The following HNRNPD variants were observed in gnomAD, a reference collection of about 807,000 sequenced individuals.
HNRNPD encodes the protein heterogeneous nuclear ribonucleoprotein D.
In HNRNPD, 3 loss-of-function variants were observed where a neutral mutation model predicts 47.9. The observed-to-expected ratio is 0.06, with a 90% CI of 0.03 to 0.16. The LOEUF (loss-of-function observed/expected upper bound fraction) is 0.16, where lower values mean the gene tolerates loss of function less well. Among genes scored for constraint, HNRNPD ranks in the 10% least tolerant of loss-of-function variants. The pLI is 1.00. For synonymous variants in HNRNPD, 171 were observed against 165.1 expected, an observed-to-expected ratio of 1.04 and a Z score of -0.28; for missense variants, 287 against 454.2, an observed-to-expected ratio of 0.63 and a Z score of 3.35.
intron 2 of HNRNPD, among the ~76,000 whole-genome samples, chr4:82,361,138 G>A (rs1034710900): frequency 3.3e-5 from 5 of 152,128 alleles, no homozygotes; most frequent in Admixed American, 3.3e-4. Flanking sequence ...TTTACTTCTT[G>A]CCAATTTCAT....
chr4:82,363,398 A>G (rs1434623071), intron 2 of HNRNPD, among the ~76,000 whole-genome samples: 1 of 152,164 alleles, frequency 6.6e-6, no homozygotes, highest in East Asian at 1.9e-4. Context: ...CTATGACTGT[A>G]TCTTGCTTTT....
In HNRNPD at chr4:82,373,429, G is replaced by A. The variant is rs1279017196; in HGVS notation, c.233+17C>T. The A allele has an allele frequency of 6.4e-7, 1 of 1,570,684 alleles. No homozygotes were observed. The highest frequency in any genetic ancestry group is 8.6e-7 in the Non-Finnish European group (1 of 1,156,472). On this transcript the variant is annotated intron_variant, in intron 1 of 8. Transcript: ENST00000313899. ...GGACTAGTTGGGCCTGACTATCCTGGGATGCCCCTTACTCACCCTTCATCC... is the reference window on the plus strand; with the variant it reads ...GGACTAGTTGGGCCTGACTATCCTGAGATGCCCCTTACTCACCCTTCATCC...
rs1291511105 is a variant in HNRNPD at position 82,353,325 on chromosome 4, CAT to C, written c.*858_*859del. ...TCATTCAAACAAATAAGCACACACA[CAT>C]AAACACGGTATATATTTCTTTAATC... On this transcript the variant is annotated 3_prime_UTR_variant, in exon 9 of 9. Coordinates refer to ENST00000313899, the MANE Select transcript of HNRNPD (RefSeq NM_031370.3). The C allele has an allele frequency of 6.6e-6, 1 of 152,132 alleles. No individual in the cohort carries two copies. The highest frequency in any genetic ancestry group is 1.5e-5 in the Non-Finnish European group (1 of 67,992). 9.4% of individuals were successfully genotyped at this position (152,132 alleles called of 1,614,324 possible).
chr4:82,369,547 A>C (rs1442683972), intron 2 of HNRNPD, among the ~76,000 whole-genome samples: 1 of 147,406 alleles, frequency 6.8e-6, no homozygotes, highest in Admixed American at 6.7e-5. Context: ...TGCACACAGA[A>C]CTGTGTTTAA....
At position 82,366,378 on chromosome 4, in the gene HNRNPD, G is replaced by C. The variant is rs538820069; in HGVS notation, c.290+5150C>G. 1.3e-4 allele frequency among the ~76,000 whole-genome samples: 20 copies of C among 151,618 alleles called. No individual in the cohort carries two copies. The South Asian group carries it at 3.3e-3, about 25-fold the overall frequency. On this transcript the variant is annotated intron_variant, in intron 2 of 8. Coordinates refer to ENST00000313899, the MANE Select transcript of HNRNPD (RefSeq NM_031370.3). ...CCTGCCTCAGCCTCCCAAGTAGATG[G>C]GACTACAGATGCCCACCATCATGCC...
At chr4:82,371,466 G>A (rs1011000675) in intron 2 of HNRNPD, 62 bp downstream of exon 2, 2 of 1,303,756 alleles carry the variant, frequency 1.5e-6, no homozygotes, top group Non-Finnish European at 1.1e-6. Context: ...CCAATACACA[G>A]CCTCTACATA....
intron 3 of HNRNPD, 127 bp from the exon 4 acceptor site, chr4:82,358,947 A>T (rs367867071): frequency 4.4e-5 from 31 of 702,584 alleles, no homozygotes; most frequent in African/African-American, 4.0e-4. Context: ...TCAAGATTAA[A>T]CTGTCAAGTC....
In HNRNPD at chr4:82,356,795, C is replaced by T. The variant is rs1723731016; in HGVS notation, c.853+1G>A. 6.2e-7 allele frequency: 1 copy of T among 1,613,054 alleles called. No homozygotes were observed. The highest frequency in any genetic ancestry group is 1.7e-5 in the Admixed American group (1 of 59,992). ...TAGAGTAAACTTAGGCTCTAGCTTA[C>T]CACCACCTCTTCCACGAGCTCTTCC... On this transcript the variant is annotated splice_donor_variant, in intron 6 of 8. Coordinates refer to ENST00000313899, the MANE Select transcript of HNRNPD (RefSeq NM_031370.3). LOFTEE classifies it high-confidence loss of function.
chr4:82,355,223 A>G, intron 8 of HNRNPD, 81 bp downstream of exon 8: 1 of 794,108 alleles, frequency 1.3e-6, no homozygotes, highest in Non-Finnish European at 2.1e-6. Context: ...AAACTCTTAA[A>G]TTAAGCATTG....
chr4:82,360,588 A>G lies in HNRNPD; in HGVS notation c.291-949T>C, dbSNP rs1231312023. 2.6e-5 allele frequency among the ~76,000 whole-genome samples: 4 copies of G among 152,130 alleles called. No homozygotes were observed. The East Asian group carries it at 7.7e-4, about 29-fold the overall frequency. On this transcript the variant is annotated intron_variant, in intron 2 of 8. Coordinates refer to ENST00000313899, the MANE Select transcript of HNRNPD (RefSeq NM_031370.3). ...GGTAAACTGTCAGAATTTGTTACAT[A>G]ATGGCTAAAAATGTCACCATGGGAA...
chr4:82,365,768 C>CTAATTTTT, intron 2 of HNRNPD, among the ~76,000 whole-genome samples: 1 of 141,016 alleles, frequency 7.1e-6, no homozygotes, highest in Non-Finnish European at 1.5e-5. Flanking sequence ...CGAGGCCCAG[C>CTAATTTTT]TAATTTTTTT....
intron 2 of HNRNPD, among the ~76,000 whole-genome samples, chr4:82,363,034 G>A (rs1339407159): frequency 6.9e-5 from 10 of 145,162 alleles, no homozygotes; most frequent in Middle Eastern, 3.5e-3. Context: ...ATATATATAT[G>A]TGTGTGTGTG....
At chr4:82,370,836 C>T (rs1392561532) in intron 2 of HNRNPD, among the ~76,000 whole-genome samples, 2 of 152,114 alleles carry the variant, frequency 1.3e-5, no homozygotes, top group African/African-American at 4.8e-5. Flanking sequence ...ACTCAACCTA[C>T]CAGCCTCCAA....
intron 2 of HNRNPD, among the ~76,000 whole-genome samples, chr4:82,364,286 T>C (rs112065211): frequency 0.034 from 5,140 of 152,256 alleles, 126 homozygotes; most frequent in Middle Eastern, 0.065. Flanking sequence ...TTACTAATTG[T>C]GTAACATTAA....
rs541520903 is a variant in HNRNPD, at chr4:82,373,688, G to A, written c.-10C>T. 6.0e-6 allele frequency: 9 copies of A among 1,508,816 alleles called. No individual in the cohort carries two copies. Among genetic ancestry groups the A allele is most frequent in the East Asian group, 5.1e-5 (2 of 39,386 alleles). 93.5% of individuals were successfully genotyped at this position (1,508,816 alleles called of 1,614,324 possible). On this transcript the variant is annotated 5_prime_UTR_variant, in exon 1 of 9. Coordinates refer to ENST00000313899, the MANE Select transcript of HNRNPD (RefSeq NM_031370.3). Reference sequence around the variant, plus strand: ...ACTGCTCCTCCGACATAGTGCTAGTGTCTCCGCCGCTGCCGCCGAGACTAC... The same window carrying A: ...ACTGCTCCTCCGACATAGTGCTAGTATCTCCGCCGCTGCCGCCGAGACTAC...
chr4:82,367,053 A>C (rs1719800119), intron 2 of HNRNPD, among the ~76,000 whole-genome samples: 1 of 148,980 alleles, frequency 6.7e-6, no homozygotes, highest in Non-Finnish European at 1.5e-5. Flanking sequence ...TTTTAAAGAA[A>C]CAGGGGTCAT....
chr4:82,373,708 G>T lies in HNRNPD; in HGVS notation c.-30C>A, dbSNP rs1268443107. ...CTAGTGTCTCCGCCGCTGCCGCCGA[G>T]ACTACACCCGCCGCTGCCGCGAACC... On this transcript the variant is annotated 5_prime_UTR_variant, in exon 1 of 9. Coordinates refer to ENST00000313899, the MANE Select transcript of HNRNPD (RefSeq NM_031370.3). The T allele has an allele frequency of 2.0e-6, 3 of 1,482,816 alleles. No individual in the cohort carries two copies. Among genetic ancestry groups the T allele is most frequent in the Non-Finnish European group, 2.7e-6 (3 of 1,121,550 alleles). The allele number at this position is 1,482,816 out of a possible 1,614,324, so 91.9% of individuals were successfully genotyped here.
At position 82,371,575 on chromosome 4, in the gene HNRNPD, G is replaced by A; in HGVS notation, c.243C>T (p.Asn81=). Residue 81 remains asparagine, a synonymous_variant, in exon 2 of 9, where the codon AAC becomes AAT. Coordinates refer to ENST00000313899, the MANE Select transcript of HNRNPD (RefSeq NM_031370.3). The part of the protein sequence containing the change: ...SKNEEDEGHS[N]SSPRHSEAAT... ...CTGCTTCAGAGTGTCGTGGGGAGGA[G>A]TTTGAATGGCTAGGGAATTAACAAC... is the stretch of plus-strand genomic sequence containing the variant. 1 of 1,612,974 alleles carries A rather than the reference G, an allele frequency of 6.2e-7. No homozygotes were observed.
At chr4:82,372,441 T>G (rs1578059637) in intron 1 of HNRNPD, among the ~76,000 whole-genome samples, 1 of 152,102 alleles carries the variant, frequency 6.6e-6, no homozygotes, top group East Asian at 1.9e-4. Context: ...GATTTGTTTC[T>G]CTTAAGAGGA....
Sources: allele counts gnomAD v4.1 joint callset (sites outside exome capture counted in the v4.1 genomes callset), GRCh38; gene constraint gnomAD v4.1.1; transcripts MANE v1.5; gene names NCBI Gene and HGNC (gene_info 2026-07-23, HGNC 2026-07-21).